The following SPIDR variants were observed in gnomAD, a reference collection of about 807,000 sequenced individuals.
The protein encoded by SPIDR is DNA repair-scaffolding protein.
Under a neutral mutation model 104.6 loss-of-function variants are expected in SPIDR, and 93 were observed. That is an observed-to-expected ratio of 0.89 (90% CI 0.75 to 1.06). The LOEUF (loss-of-function observed/expected upper bound fraction) is 1.06, where lower values mean the gene tolerates loss of function less well. SPIDR is among the 50% of genes least tolerant of loss of function. SPIDR has a pLI of 0.00. For synonymous variants in SPIDR, 431 were observed against 416.9 expected (o/e 1.03, Z -0.41); for missense variants, 1,154 against 1,111.2 (o/e 1.04, Z -0.55).
chr8:47,368,931 A>G (rs1554636765), intron 5 of SPIDR, among the ~76,000 whole-genome samples: 2 of 152,206 alleles, frequency 1.3e-5, no homozygotes, highest in East Asian at 3.8e-4. Context: ...GTTTGTTAGA[A>G]CTTATGAAAG....
rs1564345449 is a variant in SPIDR at position 47,564,062 on chromosome 8, TTTTTC to T, written c.1098-31739_1098-31735del. On this transcript the variant is annotated intron_variant, in intron 8 of 19. Coordinates refer to ENST00000297423, the MANE Select transcript of SPIDR (RefSeq NM_001080394.4). The stretch of plus-strand genomic sequence containing the variant: ...AAATCATATTTAAATATTTGCTTCT[TTTTTC>T]TTTTCTTTTTTTTTTTTTTTTTTTT... Among the ~76,000 whole-genome samples the T allele has an allele frequency of 7.3e-5, 11 of 151,104 alleles. No individual in the cohort carries two copies. The East Asian group carries it at 1.4e-3, about 19-fold the overall frequency.
At chr8:47,470,266 T>A (rs2075498596) in intron 8 of SPIDR, among the ~76,000 whole-genome samples, 2 of 151,974 alleles carry the variant, frequency 1.3e-5, no homozygotes, top group African/African-American at 4.8e-5. Context: ...TATGGTGAAG[T>A]GAGTTTTGTT....
At chr8:47,715,519 G>A (rs1055337868) in intron 16 of SPIDR, among the ~76,000 whole-genome samples, 28 of 152,082 alleles carry the variant, frequency 1.8e-4, no homozygotes, top group African/African-American at 6.5e-4. Flanking sequence ...ATTTAGGCTG[G>A]TGCAAAAATA....
chr8:47,279,852 A>G lies in SPIDR; in HGVS notation c.34-10A>G. On this transcript the variant is annotated splice_polypyrimidine_tract_variant and intron_variant, in intron 1 of 19. Coordinates refer to ENST00000297423, the MANE Select transcript of SPIDR (RefSeq NM_001080394.4). Reference sequence around the variant, plus strand: ...TGTTTCGATTTTTCTTTTAAAAATCATCTCCACAGAGAAAAAGGAGTTGGA... The same window carrying G: ...TGTTTCGATTTTTCTTTTAAAAATCGTCTCCACAGAGAAAAAGGAGTTGGA... The G allele has an allele frequency of 1.3e-6, 2 of 1,583,334 alleles. No individual in the cohort carries two copies. Among genetic ancestry groups the G allele is most frequent in the East Asian group, 2.2e-5 (1 of 44,460 alleles).
At chr8:47,471,082 T>C (rs542299563) in intron 8 of SPIDR, among the ~76,000 whole-genome samples, 20 of 152,212 alleles carry the variant, frequency 1.3e-4, no homozygotes, top group Admixed American at 2.0e-4. Context: ...GATGAAAATA[T>C]AGGGGAATGT....
chr8:47,514,568 A>G (rs776287522), intron 8 of SPIDR, among the ~76,000 whole-genome samples: 2 of 152,216 alleles, frequency 1.3e-5, no homozygotes, highest in Non-Finnish European at 2.9e-5. Flanking sequence ...GGGTATGCTC[A>G]AATCTGTGCT....
At chr8:47,595,617 CT>C (rs2061553677) in intron 8 of SPIDR, among the ~76,000 whole-genome samples, 193 bp from the exon 9 acceptor site, 1 of 152,230 alleles carries the variant, frequency 6.6e-6, no homozygotes, top group South Asian at 2.1e-4. Context: ...TGACACAGGG[CT>C]TTCACTAGAA....
intron 8 of SPIDR, among the ~76,000 whole-genome samples, chr8:47,461,532 G>A (rs547724502): frequency 4.6e-4 from 70 of 152,254 alleles, no homozygotes; most frequent in South Asian, 8.3e-4. Context: ...AGATGGTCTC[G>A]ATCTCTTGAC....
intron 8 of SPIDR, among the ~76,000 whole-genome samples, chr8:47,462,845 CT>C (rs1368924068): frequency 6.6e-6 from 1 of 152,096 alleles, no homozygotes; most frequent in Non-Finnish European, 1.5e-5. Context: ...CACGAAAAAA[CT>C]GGTCAAATTA....
At chr8:47,423,494 C>A (rs1195446737) in intron 7 of SPIDR, among the ~76,000 whole-genome samples, 1 of 151,716 alleles carries the variant, frequency 6.6e-6, no homozygotes, top group Non-Finnish European at 1.5e-5. Flanking sequence ...CCCAGCTATT[C>A]TGGAAGCTGA....
At chr8:47,539,364 A>C (rs554828204) in intron 8 of SPIDR, among the ~76,000 whole-genome samples, 1 of 152,276 alleles carries the variant, frequency 6.6e-6, no homozygotes, top group African/African-American at 2.4e-5. Context: ...GTGGGTATGC[A>C]GTGCCCAGAG....
At chr8:47,300,790 T>G in intron 5 of SPIDR, among the ~76,000 whole-genome samples, 1 of 152,242 alleles carries the variant, frequency 6.6e-6, no homozygotes, top group East Asian at 1.9e-4. Flanking sequence ...AGTTCTAGTT[T>G]GATTGCACTG....
intron 8 of SPIDR, among the ~76,000 whole-genome samples, chr8:47,564,686 G>GAA (rs79077645): frequency 4.8e-5 from 4 of 83,396 alleles, no homozygotes; most frequent in African/African-American, 1.3e-4. Flanking sequence ...TCTCCAAAAA[G>GAA]AAAAAAAAAA....
intron 10 of SPIDR, among the ~76,000 whole-genome samples, chr8:47,604,667 T>C (rs990711911): frequency 2.6e-5 from 4 of 152,178 alleles, no homozygotes; most frequent in Non-Finnish European, 5.9e-5. Flanking sequence ...TAGAAGGGAA[T>C]GTTCAGAGAG....
intron 8 of SPIDR, among the ~76,000 whole-genome samples, chr8:47,537,742 A>C (rs770532993): frequency 1.2e-4 from 19 of 152,222 alleles, no homozygotes; most frequent in Non-Finnish European, 2.5e-4. Flanking sequence ...ACCAGCTGTA[A>C]TAAATGTATC....
At chr8:47,342,133 G>T (rs1321449896) in intron 5 of SPIDR, among the ~76,000 whole-genome samples, 7 of 152,026 alleles carry the variant, frequency 4.6e-5, no homozygotes, top group African/African-American at 1.7e-4. Context: ...ATTTTGTCTA[G>T]TTTGGGAGAC....
At chr8:47,311,582 G>A (rs765896288) in intron 5 of SPIDR, among the ~76,000 whole-genome samples, 62 of 152,128 alleles carry the variant, frequency 4.1e-4, no homozygotes, top group Non-Finnish European at 8.5e-4. Context: ...ACTTGGGGAG[G>A]CCAAAGAGGG....
At chr8:47,598,375 A>T (rs772434188) in intron 9 of SPIDR, among the ~76,000 whole-genome samples, 2 of 152,106 alleles carry the variant, frequency 1.3e-5, no homozygotes, top group Non-Finnish European at 1.5e-5. Flanking sequence ...TGATTGTGTG[A>T]GGGTAAGCAT....
chr8:47,653,924 G>C, intron 10 of SPIDR: 2 of 952,538 alleles, frequency 2.1e-6, no homozygotes, highest in Non-Finnish European at 2.5e-6. Flanking sequence ...TACACTATGG[G>C]AATAAGAGAA....
Sources: allele counts gnomAD v4.1 joint callset (sites outside exome capture counted in the v4.1 genomes callset), GRCh38; gene constraint gnomAD v4.1.1; transcripts MANE v1.5; gene names NCBI Gene and HGNC (gene_info 2026-07-23, HGNC 2026-07-21).